Variants in SPDYE18 observed in about 807,000 individuals in gnomAD.
SPDYE18 encodes speedy/RINGO cell cycle regulator family member E18, also known as speedy protein E18.
Under a neutral mutation model 44.9 loss-of-function variants are expected in SPDYE18, and 6 were observed. The observed-to-expected ratio is 0.13, with a 90% CI of 0.07 to 0.26. The LOEUF is 0.26. Ranked by LOEUF, SPDYE18 falls within the 10% of genes least tolerant of loss-of-function variation. The pLI is 1.00. For missense variants in SPDYE18, 121 were observed against 463.2 expected (o/e 0.26, Z 6.78); for synonymous variants, 35 against 177.1 (o/e 0.20, Z 6.37).
At chr7:77,058,501 C>CTTTT (rs1158671945) in intron 3 of SPDYE18, among the ~76,000 whole-genome samples, 55 of 56,076 alleles carry the variant, frequency 9.8e-4, no homozygotes, top group East Asian at 1.3e-3. Flanking sequence ...TTCCTTCCTT[C>CTTTT]TTTTTTTTTT....
rs1789922396 is a variant in SPDYE18, at chr7:77,056,433, AAAG to A, written c.669+114_669+116del. On this transcript the variant is annotated intron_variant, in intron 5 of 8. Transcript: ENST00000510091. ...TCACAAAAAAAAAAAAAAAAAAAAA[AAAG>A]ACTGTAGGAGCATCTGGTGGGAGGT... The A allele has an allele frequency of 1.6e-5, 9 of 561,084 alleles. No homozygotes were observed. The East Asian group carries it at 1.6e-4, about 10-fold the overall frequency. The allele number at this position is 561,084 out of a possible 1,614,324, so 34.8% of individuals were successfully genotyped here. A position where few individuals can be genotyped will look rare whatever the true frequency, so the allele number is the denominator to read the frequency against.
chr7:77,058,816 A>C (rs1346979885), intron 3 of SPDYE18, among the ~76,000 whole-genome samples: 3 of 151,932 alleles, frequency 2.0e-5, no homozygotes, highest in African/African-American at 7.2e-5. Context: ...CTTTTGACAC[A>C]GGGTTTTGCT....
intron 6 of SPDYE18, among the ~76,000 whole-genome samples, chr7:77,054,769 CTTT>C (rs149581645): frequency 5.0e-4 from 67 of 134,076 alleles, no homozygotes; most frequent in African/African-American, 1.4e-3. Context: ...GTTTTTTTGG[CTTT>C]TTTTTTTTTT....
At chr7:77,053,751 A>T (rs1304807362) in intron 6 of SPDYE18, among the ~76,000 whole-genome samples, 2 of 151,818 alleles carry the variant, frequency 1.3e-5, no homozygotes, top group Non-Finnish European at 2.9e-5. Flanking sequence ...AAGCATAAGA[A>T]TTGTGTGAAC....
chr7:77,055,455 A>G (rs1490490511), intron 5 of SPDYE18, 134 bp from the exon 6 acceptor site: 1 of 1,165,438 alleles, frequency 8.6e-7, no homozygotes, highest in Non-Finnish European at 1.3e-6. Flanking sequence ...GACTGTACTC[A>G]TTTGGAAATT....
intron 2 of SPDYE18, among the ~76,000 whole-genome samples, chr7:77,059,759 T>C (rs1424598718): frequency 2.7e-5 from 4 of 147,766 alleles, no homozygotes; most frequent in African/African-American, 9.9e-5. Context: ...CATTTATTCT[T>C]CTGCCTCAGC....
intron 8 of SPDYE18, among the ~76,000 whole-genome samples, chr7:77,052,362 CA>C (rs1789818965): frequency 6.6e-6 from 1 of 152,142 alleles, no homozygotes; most frequent in Non-Finnish European, 1.5e-5. Flanking sequence ...AGATGTAAAC[CA>C]AAGCTTCACT....
rs1316651743 is a variant in SPDYE18 at position 77,062,060 on chromosome 7, G to A, written c.-422+436C>T. 4.4e-5 allele frequency among the ~76,000 whole-genome samples: 6 copies of A among 136,508 alleles called. 1 individual carries two copies. In the East Asian group the frequency reaches 1.6e-3, roughly 36 times the overall value. 89.6% of individuals were successfully genotyped at this position (136,508 alleles called of 152,430 possible). ...GGAGAATCACTTGAACTCATGGTGC[G>A]CAGGTTGCAGGGAGCCAAGATCGCA... On this transcript the variant is annotated intron_variant, in intron 1 of 8. Transcript: ENST00000510091.
At chr7:77,060,272 C>T in intron 2 of SPDYE18, 81 bp downstream of exon 2, 7 of 1,525,042 alleles carry the variant, frequency 4.6e-6, no homozygotes, top group Non-Finnish European at 6.1e-6. Flanking sequence ...GCTGGGGTTA[C>T]AGGCGTGAGC....
At position 77,054,288 on chromosome 7, in the gene SPDYE18, T is replaced by A. The variant is rs1246562403; in HGVS notation, c.755+948A>T. 8.1e-4 allele frequency among the ~76,000 whole-genome samples: 120 copies of A among 148,436 alleles called. No individual in the cohort carries two copies. In the East Asian group the frequency reaches 0.019, roughly 23 times the overall value. ...CAAACACAAAGTCGAGTGGAGGGCA[T>A]TTGGAAGAAGCAGTGAAGCCGAGCC... On this transcript the variant is annotated intron_variant, in intron 6 of 8. Transcript: ENST00000510091.
At chr7:77,061,433 C>G (rs1790019941) in intron 1 of SPDYE18, among the ~76,000 whole-genome samples, 2 of 128,326 alleles carry the variant, frequency 1.6e-5, no homozygotes, top group Non-Finnish European at 3.2e-5. Context: ...TTTATGGATT[C>G]TATGAATAAA....
intron 4 of SPDYE18, among the ~76,000 whole-genome samples, chr7:77,057,368 C>T (rs1180229166): frequency 3.3e-5 from 5 of 152,050 alleles, no homozygotes; most frequent in African/African-American, 1.2e-4. Flanking sequence ...CCTCTTGCCT[C>T]AGCCTCCCAA....
chr7:77,060,219 A>C (rs1313371926), intron 2 of SPDYE18, 134 bp downstream of exon 2: 2 of 1,454,442 alleles, frequency 1.4e-6, no homozygotes, highest in African/African-American at 2.9e-5. Flanking sequence ...CTGGCCTTGA[A>C]CTCCTGACCT....
intron 6 of SPDYE18, 107 bp from the exon 7 acceptor site, chr7:77,053,310 T>C: frequency 3.3e-6 from 5 of 1,494,284 alleles, no homozygotes; most frequent in Non-Finnish European, 4.5e-6. Flanking sequence ...AGCTCAGGAC[T>C]GGCACCCACC....
chr7:77,057,311 G>A (rs1465660922), intron 4 of SPDYE18, among the ~76,000 whole-genome samples: 2 of 151,920 alleles, frequency 1.3e-5, no homozygotes, highest in Non-Finnish European at 2.9e-5. Flanking sequence ...GAGTGCAGTG[G>A]TGTAGTCATA....
intron 4 of SPDYE18, among the ~76,000 whole-genome samples, chr7:77,057,200 C>T (rs1245945314): frequency 6.6e-6 from 1 of 152,264 alleles, no homozygotes; most frequent in South Asian, 2.1e-4. Flanking sequence ...AAGCGATTCT[C>T]CTGTCTCAGC....
chr7:77,054,739 G>T (rs1583975477), intron 6 of SPDYE18, among the ~76,000 whole-genome samples: 1 of 147,614 alleles, frequency 6.8e-6, no homozygotes, highest in Admixed American at 6.8e-5. Flanking sequence ...TCTTTTATTT[G>T]TACACTGGCA....
At chr7:77,054,671 G>T (rs865875928) in intron 6 of SPDYE18, among the ~76,000 whole-genome samples, 1 of 152,138 alleles carries the variant, frequency 6.6e-6, no homozygotes, top group South Asian at 2.1e-4. Context: ...CGGCATGTCC[G>T]CTCCTCCACT....
At chr7:77,059,001 C>G (rs984370843) in intron 3 of SPDYE18, among the ~76,000 whole-genome samples, 179 bp downstream of exon 3, 4 of 151,984 alleles carry the variant, frequency 2.6e-5, no homozygotes, top group African/African-American at 9.7e-5. Flanking sequence ...TTTATCAAGT[C>G]TAGCCTAGTC....
Sources: allele counts gnomAD v4.1 joint callset (sites outside exome capture counted in the v4.1 genomes callset), GRCh38; gene constraint gnomAD v4.1.1; transcripts MANE v1.5; gene names NCBI Gene and HGNC (gene_info 2026-07-23, HGNC 2026-07-21).